ATRNL1: variants seen among roughly 807,000 people sequenced by gnomAD.
The protein encoded by ATRNL1 is attractin like 1.
Under a neutral mutation model 182.7 loss-of-function variants are expected in ATRNL1, and 95 were observed. The observed-to-expected ratio is 0.52, with a 90% CI of 0.44 to 0.62. The LOEUF (loss-of-function observed/expected upper bound fraction) is 0.62, where lower values mean the gene tolerates loss of function less well. ATRNL1 is among the 20% of genes least tolerant of loss of function. The probability of loss-of-function intolerance (pLI) is 0.00; values close to 1 mark genes in which losing one functional copy is unlikely to be tolerated. For missense variants in ATRNL1, 1,471 were observed against 1,679.5 expected, an observed-to-expected ratio of 0.88 and a Z score of 2.17; for synonymous variants, 576 against 568.3, an observed-to-expected ratio of 1.01 and a Z score of -0.19.
chr10:115,768,603 A>G (rs78234668), intron 27 of ATRNL1, among the ~76,000 whole-genome samples: 4,840 of 152,184 alleles, frequency 0.032, 230 homozygotes, highest in African/African-American at 0.11. Context: ...TTTCCTTGTC[A>G]GCAGCAACTC....
At chr10:115,640,805 G>A (rs1859191678) in intron 26 of ATRNL1, among the ~76,000 whole-genome samples, 1 of 152,080 alleles carries the variant, frequency 6.6e-6, no homozygotes, top group East Asian at 1.9e-4. Context: ...TTTGGCTTTT[G>A]TTGCAATTGC....
chr10:115,839,716 C>G (rs1278989995), intron 27 of ATRNL1, among the ~76,000 whole-genome samples: 2 of 152,186 alleles, frequency 1.3e-5, no homozygotes, highest in African/African-American at 4.8e-5. Flanking sequence ...GTGCATTCAG[C>G]TCCAAATTAG....
At chr10:115,577,337 A>G (rs1371082046) in intron 26 of ATRNL1, among the ~76,000 whole-genome samples, 1 of 151,862 alleles carries the variant, frequency 6.6e-6, no homozygotes, top group Non-Finnish European at 1.5e-5. Flanking sequence ...GTTTGACAGT[A>G]TTAATTCTTC....
At position 115,189,907 on chromosome 10, in the gene ATRNL1, T is replaced by C. The variant is rs1592234176; in HGVS notation, c.1348+18615T>C. 2.0e-5 allele frequency among the ~76,000 whole-genome samples: 3 copies of C among 149,762 alleles called. 1 individual carries two copies. In the Middle Eastern group the frequency reaches 0.01, roughly 524 times the overall value. ...CAAGCTTCATTCATGGTAAGTGTCC[T>C]ATACAGGTATACCATTTTTTATTTT... is the stretch of plus-strand genomic sequence containing the variant. On this transcript the variant is annotated intron_variant, in intron 8 of 28. Coordinates refer to ENST00000355044, the MANE Select transcript of ATRNL1 (RefSeq NM_207303.4).
intron 26 of ATRNL1, among the ~76,000 whole-genome samples, chr10:115,718,061 G>A (rs1415258191): frequency 6.6e-6 from 1 of 152,184 alleles, no homozygotes; most frequent in Non-Finnish European, 1.5e-5. Flanking sequence ...TTTGGGTTGA[G>A]ATGGAAAGTG....
At chr10:115,425,269 C>G (rs1221998005) in intron 20 of ATRNL1, among the ~76,000 whole-genome samples, 1 of 151,520 alleles carries the variant, frequency 6.6e-6, no homozygotes, top group Non-Finnish European at 1.5e-5. Flanking sequence ...GACTCTTTTA[C>G]CTCTTTAAAC....
At chr10:115,369,668 C>T (rs1416850979) in intron 19 of ATRNL1, among the ~76,000 whole-genome samples, 3 of 152,006 alleles carry the variant, frequency 2.0e-5, no homozygotes, top group African/African-American at 7.3e-5. Context: ...CCATAATGGC[C>T]TTATTAATTT....
At chr10:115,789,491 T>C (rs1394465877) in intron 27 of ATRNL1, among the ~76,000 whole-genome samples, 2 of 152,134 alleles carry the variant, frequency 1.3e-5, no homozygotes, top group Non-Finnish European at 2.9e-5. Context: ...CCTGCGCTCC[T>C]CCCAGGGCAC....
At chr10:115,165,510 C>G (rs782265505) in intron 6 of ATRNL1, 48 bp from the exon 7 acceptor site, 1 of 1,181,772 alleles carries the variant, frequency 8.5e-7, no homozygotes, top group Non-Finnish European at 1.2e-6. Flanking sequence ...ATTAAAAAAA[C>G]AAAAATGAAT....
At chr10:115,267,039 C>G in intron 12 of ATRNL1, 34 bp downstream of exon 12, 1 of 1,413,476 alleles carries the variant, frequency 7.1e-7, no homozygotes, top group Non-Finnish European at 9.9e-7. Flanking sequence ...TTTGTGGCAG[C>G]AAAATTTCTC....
chr10:115,124,431 C>T (rs991726990), intron 3 of ATRNL1, among the ~76,000 whole-genome samples: 13 of 152,222 alleles, frequency 8.5e-5, no homozygotes, highest in South Asian at 4.2e-4. Flanking sequence ...TCTGGGTCCT[C>T]AGAATGTGTT....
chr10:115,635,536 T>C (rs1224652305), intron 26 of ATRNL1, among the ~76,000 whole-genome samples: 1 of 152,022 alleles, frequency 6.6e-6, no homozygotes, highest in Non-Finnish European at 1.5e-5. Flanking sequence ...TACTGTAGAG[T>C]GTAAATTGGT....
At chr10:115,772,980 G>A (rs927185616) in intron 27 of ATRNL1, among the ~76,000 whole-genome samples, 1 of 152,064 alleles carries the variant, frequency 6.6e-6, no homozygotes, top group South Asian at 2.1e-4. Context: ...GCCAATAGGC[G>A]GTTTCAATTG....
At chr10:115,120,901 G>T (rs75795121) in intron 2 of ATRNL1, among the ~76,000 whole-genome samples, 1,810 of 152,256 alleles carry the variant, frequency 0.012, 35 homozygotes, top group African/African-American at 0.04. Context: ...ATCACATTGA[G>T]AATTTTGATT....
At chr10:115,255,895 T>C (rs571178252) in intron 10 of ATRNL1, among the ~76,000 whole-genome samples, 1 of 152,340 alleles carries the variant, frequency 6.6e-6, no homozygotes, top group South Asian at 2.1e-4. Context: ...ACTGAGATAA[T>C]CATATGATTT....
At chr10:115,122,318 C>T (rs1418431392) in intron 3 of ATRNL1, among the ~76,000 whole-genome samples, 1 of 151,330 alleles carries the variant, frequency 6.6e-6, no homozygotes, top group African/African-American at 2.4e-5. Context: ...TATTGTTAGT[C>T]GTAAGGTAGA....
intron 27 of ATRNL1, among the ~76,000 whole-genome samples, chr10:115,844,823 G>A (rs1413311829): frequency 6.6e-6 from 1 of 152,040 alleles, no homozygotes; most frequent in East Asian, 1.9e-4. Flanking sequence ...TTGAAAGGCA[G>A]CAATGGAAAA....
At chr10:115,785,788 T>C (rs1949382523) in intron 27 of ATRNL1, among the ~76,000 whole-genome samples, 1 of 152,218 alleles carries the variant, frequency 6.6e-6, no homozygotes. Context: ...TCTCGCATTT[T>C]ACCATAAGCA....
At chr10:115,631,346 A>G (rs1555026345) in intron 26 of ATRNL1, among the ~76,000 whole-genome samples, 1 of 152,130 alleles carries the variant, frequency 6.6e-6, no homozygotes, top group Admixed American at 6.6e-5. Context: ...TAAATTTTAT[A>G]AAAATAAATT....
Sources: gnomAD v4.1 joint callset for allele counts (sites outside exome capture counted in the v4.1 genomes callset) on GRCh38, gnomAD v4.1.1 for gene constraint, MANE v1.5 for transcripts, NCBI Gene and HGNC (gene_info 2026-07-23, HGNC 2026-07-21) for gene names.